Variants in SDK1 observed in about 807,000 individuals in gnomAD.
SDK1 encodes protein sidekick-1.
A neutral mutation model predicts 245.5 loss-of-function variants in SDK1; 157 were observed. The ratio of observed to expected loss-of-function variants is 0.64; its 90% confidence interval spans 0.56 to 0.73. The LOEUF (loss-of-function observed/expected upper bound fraction) is 0.73. SDK1 is among the 30% of genes least tolerant of loss of function. The pLI, the probability that SDK1 is intolerant of heterozygous loss-of-function variation, is 0.00. For missense variants in SDK1, 3,583 were observed against 3,002.3 expected, an observed-to-expected ratio of 1.19 and a Z score of -4.52; for synonymous variants, 1,647 against 1,278.5, an observed-to-expected ratio of 1.29 and a Z score of -6.15.
At chr7:3,328,024 G>T (rs1340997550) in intron 1 of SDK1, among the ~76,000 whole-genome samples, 1 of 152,074 alleles carries the variant, frequency 6.6e-6, no homozygotes, top group Non-Finnish European at 1.5e-5. Flanking sequence ...GTGAAAATTA[G>T]ATTACTATGT....
intron 5 of SDK1, among the ~76,000 whole-genome samples, chr7:3,892,089 G>A (rs973834784): frequency 6.6e-6 from 1 of 151,884 alleles, no homozygotes; most frequent in Non-Finnish European, 1.5e-5. Context: ...ATCTTGGGTT[G>A]CCATTTTTCC....
chr7:4,011,165 G>A, intron 15 of SDK1, 52 bp downstream of exon 15: 1 of 1,591,624 alleles, frequency 6.3e-7, no homozygotes, highest in Non-Finnish European at 8.5e-7. Flanking sequence ...GGGCCTGAAT[G>A]CCAAAGAGAA....
intron 25 of SDK1, among the ~76,000 whole-genome samples, chr7:4,125,226 G>C (rs1023047150): frequency 6.7e-6 from 1 of 150,128 alleles, no homozygotes; most frequent in Non-Finnish European, 1.5e-5. Flanking sequence ...TAGATGGATA[G>C]ATGGATGATG....
chr7:4,161,569 C>T (rs1232483898), intron 31 of SDK1, among the ~76,000 whole-genome samples: 1 of 152,126 alleles, frequency 6.6e-6, no homozygotes, highest in Non-Finnish European at 1.5e-5. Flanking sequence ...GTCTGTTTCT[C>T]GGGGCCATTG....
At chr7:3,480,870 C>T (rs1168072078) in intron 1 of SDK1, among the ~76,000 whole-genome samples, 9 of 152,180 alleles carry the variant, frequency 5.9e-5, no homozygotes, top group African/African-American at 9.7e-5. Context: ...TAGCCAGTGA[C>T]GCTGGCATCG....
intron 21 of SDK1, among the ~76,000 whole-genome samples, chr7:4,078,226 A>C (rs540275001): frequency 6.6e-6 from 1 of 152,220 alleles, no homozygotes; most frequent in Non-Finnish European, 1.5e-5. Flanking sequence ...AGGGGTCTTA[A>C]AGCCTTACCC....
intron 1 of SDK1, among the ~76,000 whole-genome samples, chr7:3,515,003 T>C (rs1227190293): frequency 1.3e-5 from 2 of 152,188 alleles, no homozygotes; most frequent in Non-Finnish European, 2.9e-5. Flanking sequence ...AAAGTTTTCA[T>C]AATGAGGCAT....
At chr7:3,510,283 A>G (rs1315512748) in intron 1 of SDK1, among the ~76,000 whole-genome samples, 1 of 152,344 alleles carries the variant, frequency 6.6e-6, no homozygotes, top group South Asian at 2.1e-4. Flanking sequence ...TTCCTAGGAA[A>G]GCAGTGTCTG....
intron 2 of SDK1, among the ~76,000 whole-genome samples, chr7:3,623,382 A>G (rs1438426524): frequency 2.0e-5 from 3 of 151,544 alleles, no homozygotes; most frequent in Admixed American, 6.6e-5. Context: ...CTGGGACTAC[A>G]GGCATGTGTC....
intron 5 of SDK1, among the ~76,000 whole-genome samples, chr7:3,830,696 C>A (rs1040431779): frequency 6.6e-6 from 1 of 152,066 alleles, no homozygotes. Context: ...CAGGATCTGC[C>A]CATTGTTGCC....
rs758889807 is a variant in SDK1 at position 3,609,422 on chromosome 7, A to T, written c.299-9658A>T. Among the ~76,000 whole-genome samples the T allele has an allele frequency of 3.8e-4, 58 of 151,958 alleles. No homozygotes were observed. The Middle Eastern group carries it at 0.01, about 27-fold the overall frequency. On this transcript the variant is annotated intron_variant, in intron 1 of 44. Transcript: ENST00000404826. Reference sequence around the variant, plus strand: ...TTCTTTTTCTTTTTCTTTTTTTGAGACAGAGTCTCACTCTGTTGCCCAGGC... The same window carrying T: ...TTCTTTTTCTTTTTCTTTTTTTGAGTCAGAGTCTCACTCTGTTGCCCAGGC...
rs59276438 is a variant in SDK1, at chr7:3,644,793, C to CAAAAAAA, written c.713+2694_713+2695insAAAAAAA. ...GTCTCCAAAAAAAAAAAAAAAAAAACAAAAAACAACAACAACGGCGGGGCA... is the reference window on the plus strand; with the variant it reads ...GTCTCCAAAAAAAAAAAAAAAAAAACAAAAAAAAAAAAACAACAACAACGGCGGGGCA... On this transcript the variant is annotated intron_variant, in intron 4 of 44. Coordinates refer to ENST00000404826, the MANE Select transcript of SDK1 (RefSeq NM_152744.4). 9.6e-4 allele frequency among the ~76,000 whole-genome samples: 105 copies of CAAAAAAA among 108,876 alleles called. 3 individuals carry two copies. Among genetic ancestry groups the CAAAAAAA allele is most frequent in the African/African-American group, 1.9e-3 (53 of 27,824 alleles). 71.4% of individuals were successfully genotyped at this position (108,876 alleles called of 152,430 possible). A position where few individuals can be genotyped will look rare whatever the true frequency, so the allele number is the denominator to read the frequency against.
At chr7:3,704,536 T>A (rs1002527462) in intron 4 of SDK1, among the ~76,000 whole-genome samples, 1 of 152,086 alleles carries the variant, frequency 6.6e-6, no homozygotes, top group African/African-American at 2.4e-5. Flanking sequence ...GATGATGATA[T>A]TTGTGGTTTT....
chr7:3,789,675 C>T (rs1206937436), intron 4 of SDK1, among the ~76,000 whole-genome samples: 1 of 152,140 alleles, frequency 6.6e-6, no homozygotes, highest in African/African-American at 2.4e-5. Flanking sequence ...ATCTCTTCCT[C>T]CTGAAACCCC....
intron 1 of SDK1, among the ~76,000 whole-genome samples, chr7:3,417,977 A>T (rs549415703): frequency 3.9e-5 from 6 of 152,034 alleles, no homozygotes; most frequent in African/African-American, 1.5e-4. Flanking sequence ...TGGAACCCTT[A>T]CAAGTGATTT....
chr7:3,846,945 A>T (rs1302330461), intron 5 of SDK1, among the ~76,000 whole-genome samples: 1 of 152,026 alleles, frequency 6.6e-6, no homozygotes, highest in Admixed American at 6.6e-5. Context: ...GTAGAGGTCT[A>T]TGTTGGTCCT....
At chr7:3,896,765 GT>G (rs1317765783) in intron 5 of SDK1, among the ~76,000 whole-genome samples, 31 of 152,272 alleles carry the variant, frequency 2.0e-4, no homozygotes, top group African/African-American at 7.2e-4. Flanking sequence ...TCTGATTCCT[GT>G]TACTGTATCA....
intron 1 of SDK1, among the ~76,000 whole-genome samples, chr7:3,329,681 A>G (rs1562417929): frequency 1.3e-5 from 2 of 152,116 alleles, no homozygotes; most frequent in South Asian, 2.1e-4. Flanking sequence ...ACACTCATCC[A>G]TTTTGTGGTA....
chr7:3,662,536 C>G (rs1783398249), intron 4 of SDK1, among the ~76,000 whole-genome samples: 1 of 152,148 alleles, frequency 6.6e-6, no homozygotes, highest in Non-Finnish European at 1.5e-5. Context: ...AGGCTGTCTT[C>G]CTGGAGGTCC....
Sources: gnomAD v4.1 joint callset for allele counts (sites outside exome capture counted in the v4.1 genomes callset) on GRCh38, gnomAD v4.1.1 for gene constraint, MANE v1.5 for transcripts, NCBI Gene and HGNC (gene_info 2026-07-23, HGNC 2026-07-21) for gene names.